The following SERPINB8 variants were observed in gnomAD, a reference collection of about 807,000 sequenced individuals.
SERPINB8 encodes the protein serpin B8.
In SERPINB8, 25 loss-of-function variants were observed where a neutral mutation model predicts 35.3. The observed-to-expected ratio is 0.71, with a 90% CI of 0.52 to 0.99. The LOEUF is 0.99. Ranked by LOEUF, SERPINB8 falls within the 50% of genes least tolerant of loss-of-function variation. The pLI is 0.00. For missense variants in SERPINB8, 484 were observed against 446.5 expected (o/e 1.08, Z -0.76); for synonymous variants, 186 against 160.8 (o/e 1.16, Z -1.19).
rs576355455 is a variant in SERPINB8 at position 64,001,801 on chromosome 18, T to C, written c.71-3018T>C. ...CGCGCCCGACCCGTGCTTTCTCAACTTTTGTACCCTAGACACCTGCTTGCC... is the reference window on the plus strand; with the variant it reads ...CGCGCCCGACCCGTGCTTTCTCAACCTTTGTACCCTAGACACCTGCTTGCC... On this transcript the variant is annotated intron_variant, in intron 1 of 1. Coordinates refer to the SERPINB8 transcript ENST00000493661. Among the ~76,000 whole-genome samples the C allele has an allele frequency of 2.3e-3, 349 of 152,238 alleles. 2 individuals carry two copies. Among genetic ancestry groups the C allele is most frequent in the Non-Finnish European group, 3.9e-3 (263 of 68,018 alleles).
At chr18:63,984,341 T>C (rs918707602) in intron 5 of SERPINB8, among the ~76,000 whole-genome samples, 5 of 152,386 alleles carry the variant, frequency 3.3e-5, no homozygotes, top group Admixed American at 1.3e-4. Context: ...ATGCTATTAC[T>C]CTCTGTATTT....
chr18:63,972,290 T>A (rs142150458), intron 1 of SERPINB8, among the ~76,000 whole-genome samples: 105 of 152,324 alleles, frequency 6.9e-4, no homozygotes, highest in Non-Finnish European at 1.1e-3. Context: ...TTAGCCTGGT[T>A]TTGAACTTTA....
chr18:63,984,655 A>T (rs984086215), intron 5 of SERPINB8, among the ~76,000 whole-genome samples: 3 of 152,244 alleles, frequency 2.0e-5, no homozygotes, highest in African/African-American at 7.2e-5. Flanking sequence ...AGCCAAGGCC[A>T]TAAAACCAAT....
At chr18:63,973,272 G>A (rs1189839793) in intron 1 of SERPINB8, among the ~76,000 whole-genome samples, 2 of 152,172 alleles carry the variant, frequency 1.3e-5, no homozygotes, top group South Asian at 2.1e-4. Flanking sequence ...CGTGTCTGTT[G>A]CCTGCATAAA....
intron 7 of SERPINB8, among the ~76,000 whole-genome samples, chr18:64,015,311 A>G (rs2050944879): frequency 6.6e-6 from 1 of 152,198 alleles, no homozygotes; most frequent in South Asian, 2.1e-4. Context: ...GGCTCCACGG[A>G]GGTAGGGAAG....
At chr18:63,976,100 T>C (rs1270938671) in intron 1 of SERPINB8, among the ~76,000 whole-genome samples, 1 of 152,230 alleles carries the variant, frequency 6.6e-6, no homozygotes, top group Non-Finnish European at 1.5e-5. Context: ...AGCATATTTT[T>C]CTTGTTTGAC....
In SERPINB8 at chr18:63,987,170, G is replaced by T; in HGVS notation, c.1017G>T (p.Arg339=). 1 of 1,614,160 alleles carries T rather than the reference G, an allele frequency of 6.2e-7. No homozygotes were observed. Among genetic ancestry groups the T allele is most frequent in the Non-Finnish European group, 8.5e-7 (1 of 1,180,028 alleles). Residue 339 remains arginine, a synonymous_variant, in exon 7 of 7, where the codon CGG becomes CGT. Transcript: ENST00000397985. The part of the protein sequence containing the change: ...AAATAVVRNS[R]CSRMEPRFCA... Reference sequence around the variant, plus strand: ...CCACTGCTGTGGTCAGGAATTCCCGGTGCAGCAGAATGGAGCCAAGATTCT... The same window carrying T: ...CCACTGCTGTGGTCAGGAATTCCCGTTGCAGCAGAATGGAGCCAAGATTCT...
At chr18:63,995,468 C>T (rs2050844740) in intron 1 of SERPINB8, among the ~76,000 whole-genome samples, 1 of 152,228 alleles carries the variant, frequency 6.6e-6, no homozygotes, top group Non-Finnish European at 1.5e-5. Flanking sequence ...CCACCACCAC[C>T]TGCTCTGTCT....
chr18:63,987,422 G>T lies in SERPINB8; in HGVS notation c.*144G>T, dbSNP rs778482806. The T allele has an allele frequency of 1.4e-5, 12 of 888,448 alleles. No individual in the cohort carries two copies. The highest frequency in any genetic ancestry group is 2.0e-5 in the Non-Finnish European group (12 of 590,504). 55.0% of individuals were successfully genotyped at this position (888,448 alleles called of 1,614,324 possible). On this transcript the variant is annotated 3_prime_UTR_variant, in exon 7 of 7. Coordinates refer to ENST00000397985, the MANE Select transcript of SERPINB8 (RefSeq NM_002640.4). ...TAGTGTGTGAAAGTCTTTGCTGAAA[G>T]TTCCAGAGCCATTGAGAATAACTGA...
At chr18:64,018,739 T>C (rs1222777769) in intron 7 of SERPINB8, among the ~76,000 whole-genome samples, 5 of 150,754 alleles carry the variant, frequency 3.3e-5, no homozygotes, top group Non-Finnish European at 7.3e-5. Context: ...TTACACTTCC[T>C]ATTTTTCTGG....
chr18:63,999,300 T>C (rs1301813960), intron 1 of SERPINB8, among the ~76,000 whole-genome samples: 1 of 152,202 alleles, frequency 6.6e-6, no homozygotes, highest in Non-Finnish European at 1.5e-5. Context: ...CTGAATAGCA[T>C]GAGTGGACAT....
chr18:64,003,122 A>C (rs989546082), intron 1 of SERPINB8, among the ~76,000 whole-genome samples: 7 of 152,080 alleles, frequency 4.6e-5, no homozygotes, highest in African/African-American at 1.7e-4. Context: ...TAGCGCTCCA[A>C]ATCCACTTCT....
chr18:64,009,946 A>G (rs937200262), downstream of SERPINB8, among the ~76,000 whole-genome samples: 1 of 152,182 alleles, frequency 6.6e-6, no homozygotes, highest in African/African-American at 2.4e-5. Flanking sequence ...ACATTAAAAT[A>G]CATGTATTTA....
intron 3 of SERPINB8, among the ~76,000 whole-genome samples, chr18:63,980,803 C>T (rs17072334): frequency 1.3e-5 from 2 of 152,282 alleles, no homozygotes. Flanking sequence ...TATCCTCTTT[C>T]TTTGGCTGAA....
rs959787885 is a variant in SERPINB8 at position 63,988,547 on chromosome 18, G to C, written c.*1269G>C. On this transcript the variant is annotated 3_prime_UTR_variant, in exon 7 of 7. Coordinates refer to ENST00000397985, the MANE Select transcript of SERPINB8 (RefSeq NM_002640.4). The stretch of plus-strand genomic sequence containing the variant: ...CACATTTTGAGACTTCTTCCAAATT[G>C]GTCCCTAGAAAGTTACACTGGTTTG... The C allele has an allele frequency of 6.6e-6, 1 of 152,104 alleles. No homozygotes were observed. Among genetic ancestry groups the C allele is most frequent in the Non-Finnish European group, 1.5e-5 (1 of 68,020 alleles). The allele number at this position is 152,104 out of a possible 1,614,324, so 9.4% of individuals were successfully genotyped here. A position where few individuals can be genotyped will look rare whatever the true frequency, so the allele number is the denominator to read the frequency against.
At chr18:63,993,976 A>G (rs1040448494), downstream of SERPINB8, among the ~76,000 whole-genome samples, 1 of 152,182 alleles carries the variant, frequency 6.6e-6, no homozygotes, top group African/African-American at 2.4e-5. Context: ...AGACTTTCTT[A>G]TCAGGAGCCT....
chr18:64,007,273 T>A (rs1430143708), downstream of SERPINB8, among the ~76,000 whole-genome samples: 1 of 151,898 alleles, frequency 6.6e-6, no homozygotes, highest in Non-Finnish European at 1.5e-5. Context: ...AAACCAAATT[T>A]GTAAGGAAAA....
intron 4 of SERPINB8, among the ~76,000 whole-genome samples, chr18:63,982,925 A>C: frequency 2.8e-5 from 4 of 144,780 alleles, no homozygotes; most frequent in South Asian, 2.2e-4. Flanking sequence ...CCTTTGCCCC[A>C]TTCACCCCCT....
In SERPINB8 at chr18:63,989,351, T is replaced by A. The variant is rs1303945430; in HGVS notation, c.*2073T>A. ...AAGATTTTTGCTATTGAAAATAAAGTTTTTATGAATATTTATATATATACA... is the reference window on the plus strand; with the variant it reads ...AAGATTTTTGCTATTGAAAATAAAGATTTTATGAATATTTATATATATACA... On this transcript the variant is annotated 3_prime_UTR_variant, in exon 7 of 7. Coordinates refer to ENST00000397985, the MANE Select transcript of SERPINB8 (RefSeq NM_002640.4). 3 of 152,164 alleles carry A rather than the reference T, an allele frequency of 2.0e-5. No homozygotes were observed. The highest frequency in any genetic ancestry group is 7.2e-5 in the African/African-American group (3 of 41,436). 9.4% of individuals were successfully genotyped at this position (152,164 alleles called of 1,614,324 possible).
Sources: gnomAD v4.1 joint callset for allele counts (sites outside exome capture counted in the v4.1 genomes callset) on GRCh38, gnomAD v4.1.1 for gene constraint, MANE v1.5 for transcripts, NCBI Gene and HGNC (gene_info 2026-07-23, HGNC 2026-07-21) for gene names.